Variants in EML6 observed in about 807,000 individuals in gnomAD.
EML6 encodes echinoderm microtubule-associated protein-like 6.
Under a neutral mutation model 240.1 loss-of-function variants are expected in EML6, and 154 were observed. The observed-to-expected ratio is 0.64, with a 90% confidence interval of 0.56 to 0.73. EML6 has a LOEUF of 0.73. EML6 is among the 30% of genes least tolerant of loss of function. The pLI is 0.00. For missense variants in EML6, 2,964 were observed against 2,474.6 expected (o/e 1.20, Z -4.20); for synonymous variants, 1,148 against 899.0 (o/e 1.28, Z -4.95).
At chr2:54,928,562 A>G in intron 27 of EML6, 48 bp downstream of exon 27, 2 of 1,551,116 alleles carry the variant, frequency 1.3e-6, no homozygotes, top group Non-Finnish European at 1.7e-6. Flanking sequence ...TGCACCTCCC[A>G]ACACCTCCCT....
At chr2:54,960,144 G>C in intron 34 of EML6, 76 bp from the exon 35 acceptor site, 2 of 1,079,632 alleles carry the variant, frequency 1.9e-6, no homozygotes, top group Non-Finnish European at 2.8e-6. Flanking sequence ...GACTGGGAAA[G>C]AGGGGAGAGG....
chr2:54,751,574 A>AAT (rs1475901957), intron 2 of EML6, among the ~76,000 whole-genome samples: 1 of 152,226 alleles, frequency 6.6e-6, no homozygotes, highest in African/African-American at 2.4e-5. Context: ...AGCACACAGT[A>AAT]ATACCCCGTC....
intron 17 of EML6, among the ~76,000 whole-genome samples, chr2:54,886,910 T>TACCAGAG (rs1485886330): frequency 6.6e-6 from 1 of 152,212 alleles, no homozygotes. Context: ...ATCGGTGGTA[T>TACCAGAG]ACCAGAGAGT....
intron 9 of EML6, among the ~76,000 whole-genome samples, chr2:54,847,906 T>G (rs1669858382): frequency 6.6e-6 from 1 of 152,224 alleles, no homozygotes; most frequent in South Asian, 2.1e-4. Flanking sequence ...TCATGTGACT[T>G]GCTGCAAAAT....
At chr2:54,818,561 T>C (rs1375885741) in intron 4 of EML6, among the ~76,000 whole-genome samples, 1 of 152,236 alleles carries the variant, frequency 6.6e-6, no homozygotes, top group Non-Finnish European at 1.5e-5. Flanking sequence ...TCTGAACCTC[T>C]TCTGGTTCTG....
intron 15 of EML6, among the ~76,000 whole-genome samples, chr2:54,869,892 CAG>C (rs1300324355): frequency 2.6e-5 from 4 of 152,106 alleles, no homozygotes; most frequent in Admixed American, 6.6e-5. Context: ...GCTGCTAAAA[CAG>C]GGACCCTCTA....
intron 24 of EML6, among the ~76,000 whole-genome samples, chr2:54,903,867 C>G (rs1453859261): frequency 1.3e-5 from 2 of 152,154 alleles, no homozygotes; most frequent in Non-Finnish European, 1.5e-5. Flanking sequence ...CCCTTTTCCA[C>G]CCAAAGCTCC....
At chr2:54,823,953 A>C (rs1441146163) in intron 5 of EML6, among the ~76,000 whole-genome samples, 2 of 151,468 alleles carry the variant, frequency 1.3e-5, no homozygotes, top group African/African-American at 4.9e-5. Flanking sequence ...AAGAGTATGG[A>C]ACCCAGTAGG....
At chr2:54,731,174 TA>T (rs1187403851) in intron 2 of EML6, among the ~76,000 whole-genome samples, 1 of 152,176 alleles carries the variant, frequency 6.6e-6, no homozygotes, top group Non-Finnish European at 1.5e-5. Flanking sequence ...TTAATGTGCC[TA>T]AAATTCTGGT....
chr2:54,833,443 A>T (rs1161664398), intron 7 of EML6, among the ~76,000 whole-genome samples: 1 of 152,252 alleles, frequency 6.6e-6, no homozygotes, highest in Non-Finnish European at 1.5e-5. Flanking sequence ...CTTTGTAATA[A>T]AGTGACATTA....
intron 2 of EML6, among the ~76,000 whole-genome samples, chr2:54,745,698 T>TTGAGCCCAGGAAATTGTGGC: frequency 6.6e-6 from 1 of 152,136 alleles, no homozygotes; most frequent in African/African-American, 2.4e-5. Flanking sequence ...AGAGTATTGC[T>TTGAGCCCAGGAAATTGTGGC]TGAGCCCAGG....
chr2:54,870,172 T>C (rs1659282413), intron 15 of EML6, among the ~76,000 whole-genome samples: 2 of 152,186 alleles, frequency 1.3e-5, no homozygotes, highest in South Asian at 4.1e-4. Flanking sequence ...AGACAAGCCC[T>C]TTTCCTGAGA....
At chr2:54,788,743 G>A (rs144639482) in intron 2 of EML6, among the ~76,000 whole-genome samples, 3,602 of 152,168 alleles carry the variant, frequency 0.024, 142 homozygotes, top group Admixed American at 0.11. Context: ...ACACTAATTG[G>A]CTTTTTGAAA....
intron 2 of EML6, among the ~76,000 whole-genome samples, chr2:54,794,091 T>C (rs1261417338): frequency 6.6e-6 from 1 of 152,080 alleles, no homozygotes; most frequent in Non-Finnish European, 1.5e-5. Context: ...ATATATTATC[T>C]CAAATAAATC....
intron 2 of EML6, among the ~76,000 whole-genome samples, chr2:54,737,288 A>G (rs1352609410): frequency 2.0e-5 from 3 of 152,042 alleles, no homozygotes; most frequent in African/African-American, 4.8e-5. Context: ...ATAATAATGC[A>G]TATGTTTTCT....
At chr2:54,945,396 A>G (rs1163779300) in intron 28 of EML6, among the ~76,000 whole-genome samples, 1 of 151,454 alleles carries the variant, frequency 6.6e-6, no homozygotes, top group Non-Finnish European at 1.5e-5. Flanking sequence ...GTTTCCTCCA[A>G]GGACACTTTG....
chr2:54,833,921 C>CT (rs2104214830), intron 7 of EML6, among the ~76,000 whole-genome samples: 1 of 152,290 alleles, frequency 6.6e-6, no homozygotes, highest in East Asian at 1.9e-4. Flanking sequence ...TATGAGGCTA[C>CT]TGGGTGTCTT....
chr2:54,770,940 A>C (rs1447401356), intron 2 of EML6, among the ~76,000 whole-genome samples: 1 of 152,112 alleles, frequency 6.6e-6, no homozygotes, highest in Non-Finnish European at 1.5e-5. Flanking sequence ...CATGTTGGTG[A>C]ATGGTTGTAC....
intron 7 of EML6, among the ~76,000 whole-genome samples, chr2:54,831,379 G>C (rs914899401): frequency 6.6e-6 from 1 of 152,198 alleles, no homozygotes; most frequent in African/African-American, 2.4e-5. Flanking sequence ...CCAATACTGA[G>C]TCCTTGAGCC....
Sources: allele counts gnomAD v4.1 joint callset (sites outside exome capture counted in the v4.1 genomes callset), GRCh38; gene constraint gnomAD v4.1.1; transcripts MANE v1.5; gene names NCBI Gene and HGNC (gene_info 2026-07-23, HGNC 2026-07-21).